The following EPHA5 variants were observed in gnomAD, a reference collection of about 807,000 sequenced individuals.
The protein encoded by EPHA5 is ephrin type-A receptor 5.
A neutral mutation model predicts 105.0 loss-of-function variants in EPHA5; 60 were observed. The ratio of observed to expected loss-of-function variants is 0.57; its 90% CI spans 0.46 to 0.71. EPHA5 has a LOEUF of 0.71. Ranked by LOEUF, EPHA5 falls within the 30% of genes least tolerant of loss-of-function variation. The pLI is 0.00. For missense variants in EPHA5, 1,218 were observed against 1,274.7 expected (o/e 0.96, Z 0.68); for synonymous variants, 513 against 449.1 (o/e 1.14, Z -1.80).
At chr4:65,386,550 A>T (rs1339333316) in intron 8 of EPHA5, among the ~76,000 whole-genome samples, 2 of 151,986 alleles carry the variant, frequency 1.3e-5, no homozygotes, top group East Asian at 3.9e-4. Flanking sequence ...ACAGAGGCAC[A>T]CAAAATCTTT....
intron 5 of EPHA5, among the ~76,000 whole-genome samples, chr4:65,450,847 T>G (rs1726993517): frequency 6.6e-6 from 1 of 152,176 alleles, no homozygotes; most frequent in Non-Finnish European, 1.5e-5. Context: ...GGCAACTAAT[T>G]CATCAGTACA....
intron 3 of EPHA5, among the ~76,000 whole-genome samples, chr4:65,499,557 G>C (rs567542954): frequency 1.7e-3 from 255 of 151,520 alleles, no homozygotes; most frequent in African/African-American, 5.6e-3. Flanking sequence ...TGTTGAGATT[G>C]CAGTTACTTT....
At chr4:65,348,610 T>G (rs1449178327) in intron 13 of EPHA5, among the ~76,000 whole-genome samples, 1 of 146,830 alleles carries the variant, frequency 6.8e-6, no homozygotes, top group African/African-American at 2.5e-5. Flanking sequence ...GGTTGATGAA[T>G]GTGACCCTGA....
chr4:65,455,442 T>C (rs1727489519), intron 5 of EPHA5, among the ~76,000 whole-genome samples: 1 of 152,094 alleles, frequency 6.6e-6, no homozygotes, highest in South Asian at 2.1e-4. Flanking sequence ...TTGAGAATAC[T>C]TATCATAAAT....
chr4:65,633,023 G>A (rs1218705440), intron 2 of EPHA5, among the ~76,000 whole-genome samples: 1 of 151,972 alleles, frequency 6.6e-6, no homozygotes, highest in Non-Finnish European at 1.5e-5. Context: ...GGATCACAAA[G>A]ACAACAATGG....
intron 15 of EPHA5, among the ~76,000 whole-genome samples, chr4:65,333,675 A>G (rs1577836700): frequency 9.9e-6 from 1 of 100,508 alleles, no homozygotes; most frequent in African/African-American, 4.0e-5. Context: ...TTGGCCCTAT[A>G]TTTTTCTATT....
chr4:65,628,479 T>C (rs1746342414), intron 2 of EPHA5, among the ~76,000 whole-genome samples: 2 of 152,088 alleles, frequency 1.3e-5, no homozygotes. Flanking sequence ...TGCAACAACA[T>C]TAAGTTTCCT....
chr4:65,428,542 T>C (rs1724672323), intron 5 of EPHA5, among the ~76,000 whole-genome samples: 2 of 152,104 alleles, frequency 1.3e-5, no homozygotes, highest in Admixed American at 6.5e-5. Flanking sequence ...CTGGATCTTT[T>C]GATATATGAC....
intron 8 of EPHA5, among the ~76,000 whole-genome samples, chr4:65,395,634 A>G (rs900856070): frequency 6.6e-6 from 1 of 152,296 alleles, no homozygotes; most frequent in Middle Eastern, 3.4e-3. Flanking sequence ...GACATTTCAA[A>G]TGGATTGAGT....
intron 5 of EPHA5, among the ~76,000 whole-genome samples, chr4:65,445,822 G>T (rs917367498): frequency 6.6e-6 from 1 of 152,142 alleles, no homozygotes; most frequent in Non-Finnish European, 1.5e-5. Context: ...CAGGAGCAAA[G>T]CTAACAATTT....
intron 5 of EPHA5, among the ~76,000 whole-genome samples, chr4:65,448,031 C>T (rs1010579250): frequency 4.6e-5 from 7 of 151,476 alleles, no homozygotes; most frequent in Non-Finnish European, 7.4e-5. Flanking sequence ...TGATGATTTC[C>T]AAAACCTATA....
At chr4:65,437,872 A>C (rs1725629733) in intron 5 of EPHA5, among the ~76,000 whole-genome samples, 1 of 151,934 alleles carries the variant, frequency 6.6e-6, no homozygotes, top group Admixed American at 6.6e-5. Flanking sequence ...CCATGTTAAA[A>C]ATTTAAAAAA....
intron 5 of EPHA5, among the ~76,000 whole-genome samples, chr4:65,435,814 T>C (rs1725421776): frequency 7.8e-6 from 1 of 127,538 alleles, no homozygotes; most frequent in East Asian, 2.1e-4. Context: ...AGCATAGAAA[T>C]GAAGCACTGG....
At chr4:65,650,795 G>A (rs1253012679) in intron 1 of EPHA5, among the ~76,000 whole-genome samples, 1 of 151,968 alleles carries the variant, frequency 6.6e-6, no homozygotes, top group Non-Finnish European at 1.5e-5. Context: ...TGCAGAAAAA[G>A]ATATGATGCT....
At chr4:65,444,489 A>G (rs914153583) in intron 5 of EPHA5, among the ~76,000 whole-genome samples, 1 of 152,156 alleles carries the variant, frequency 6.6e-6, no homozygotes, top group Non-Finnish European at 1.5e-5. Context: ...AAGAATTTTT[A>G]TAGGAGCTAT....
chr4:65,531,254 G>A (rs1251262650), intron 3 of EPHA5, among the ~76,000 whole-genome samples: 1 of 150,076 alleles, frequency 6.7e-6, no homozygotes, highest in Non-Finnish European at 1.5e-5. Flanking sequence ...AGCCAGGATG[G>A]TCTCGATCTC....
chr4:65,485,023 T>C (rs1441333916), intron 5 of EPHA5, among the ~76,000 whole-genome samples: 1 of 151,780 alleles, frequency 6.6e-6, no homozygotes, highest in East Asian at 1.9e-4. Context: ...CAATTTTGTG[T>C]AAGAATGTAT....
chr4:65,642,416 T>G (rs1747746196), intron 2 of EPHA5, among the ~76,000 whole-genome samples: 1 of 152,060 alleles, frequency 6.6e-6, no homozygotes, highest in African/African-American at 2.4e-5. Context: ...ACCTGGGTTA[T>G]GCAATGTTTT....
intron 3 of EPHA5, among the ~76,000 whole-genome samples, chr4:65,558,591 G>C (rs12499636): frequency 0.27 from 40,672 of 151,804 alleles, 5,715 homozygotes; most frequent in Middle Eastern, 0.39. Flanking sequence ...TGTGCACAAC[G>C]TGCAGGTTAG....
Sources: allele counts gnomAD v4.1 joint callset (sites outside exome capture counted in the v4.1 genomes callset), GRCh38; gene constraint gnomAD v4.1.1; transcripts MANE v1.5; gene names NCBI Gene and HGNC (gene_info 2026-07-23, HGNC 2026-07-21).